RAB2A: variants seen among roughly 807,000 people sequenced by gnomAD.
RAB2A encodes ras-related protein Rab-2A.
Under a neutral mutation model 32.5 loss-of-function variants are expected in RAB2A, and 7 were observed. The observed-to-expected ratio is 0.22, with a 90% CI of 0.12 to 0.40. RAB2A has a LOEUF of 0.40. RAB2A is among the 10% of genes least tolerant of loss of function. The probability of loss-of-function intolerance (pLI) is 1.00; values close to 1 mark genes in which losing one functional copy is unlikely to be tolerated. For missense variants in RAB2A, 108 were observed against 260.7 expected (o/e 0.41, Z 4.03); for synonymous variants, 79 against 85.2 (o/e 0.93, Z 0.40).
intron 6 of RAB2A, among the ~76,000 whole-genome samples, chr8:60,599,088 A>G (rs1312709903): frequency 6.6e-6 from 1 of 152,112 alleles, no homozygotes; most frequent in Non-Finnish European, 1.5e-5. Flanking sequence ...GCAAGGTTGC[A>G]GGATACAAGG....
chr8:60,536,689 C>G (rs1320956107), intron 1 of RAB2A, among the ~76,000 whole-genome samples: 1 of 152,154 alleles, frequency 6.6e-6, no homozygotes, highest in Non-Finnish European at 1.5e-5. Context: ...TCTGCAGTGT[C>G]AGGATCATTT....
At chr8:60,592,963 A>G (rs1803966941) in intron 6 of RAB2A, among the ~76,000 whole-genome samples, 1 of 152,242 alleles carries the variant, frequency 6.6e-6, no homozygotes, top group Non-Finnish European at 1.5e-5. Flanking sequence ...TGCCGTAAGG[A>G]TAACAGAGGT....
chr8:60,552,393 C>T (rs974081811), intron 1 of RAB2A: 1 of 152,248 alleles, frequency 6.6e-6, no homozygotes, highest in African/African-American at 2.4e-5. Context: ...CTGCCTCAGC[C>T]TCCTAAAGTG....
chr8:60,594,729 G>A (rs930574486), intron 6 of RAB2A, among the ~76,000 whole-genome samples: 5 of 152,242 alleles, frequency 3.3e-5, no homozygotes, highest in Admixed American at 1.3e-4. Flanking sequence ...GAGAACATGC[G>A]GTGTTTGGTT....
At chr8:60,577,938 G>A (rs867014589) in intron 3 of RAB2A, among the ~76,000 whole-genome samples, 71 of 151,808 alleles carry the variant, frequency 4.7e-4, no homozygotes, top group African/African-American at 1.5e-3. Context: ...CACCACACCC[G>A]GCCAAGGTCT....
intron 2 of RAB2A, chr8:60,570,172 T>C (rs570453196): frequency 2.2e-4 from 78 of 360,922 alleles, no homozygotes; most frequent in South Asian, 1.5e-3. Context: ...ATCAGCAGCA[T>C]TGATGGGTCT....
chr8:60,623,244 A>G lies in RAB2A; in HGVS notation c.*2475A>G, dbSNP rs911338556. The G allele has an allele frequency of 6.6e-6, 1 of 152,236 alleles. No homozygotes were observed. Among genetic ancestry groups the G allele is most frequent in the African/African-American group, 2.4e-5 (1 of 41,472 alleles). 9.4% of individuals were successfully genotyped at this position (152,236 alleles called of 1,614,324 possible). A position where few individuals can be genotyped will look rare whatever the true frequency, so the allele number is the denominator to read the frequency against. ...TGAAACAGGATATACAACTGCATACAATTTGTTTTTAATGATATTTTAAAA... is the reference window on the plus strand; with the variant it reads ...TGAAACAGGATATACAACTGCATACGATTTGTTTTTAATGATATTTTAAAA... On this transcript the variant is annotated 3_prime_UTR_variant, in exon 8 of 8. Coordinates refer to ENST00000262646, the MANE Select transcript of RAB2A (RefSeq NM_002865.3).
rs73683524 is a variant in RAB2A at position 60,592,224 on chromosome 8, T to C, written c.474+255T>C. On this transcript the variant is annotated intron_variant, in intron 6 of 7. Coordinates refer to ENST00000262646, the MANE Select transcript of RAB2A (RefSeq NM_002865.3). ...CACTCCCTCCCTTTTTCTAAACAATTTCCTATAGTTTCTGAGAGTTATATT... is the reference window on the plus strand; with the variant it reads ...CACTCCCTCCCTTTTTCTAAACAATCTCCTATAGTTTCTGAGAGTTATATT... 1,097 of 251,856 alleles carry C rather than the reference T, an allele frequency of 4.4e-3. 9 individuals carry two copies. Among genetic ancestry groups the C allele is most frequent in the African/African-American group, 0.022 (985 of 44,732 alleles). 15.6% of individuals were successfully genotyped at this position (251,856 alleles called of 1,614,324 possible).
chr8:60,548,825 C>T (rs1460086408), intron 1 of RAB2A, among the ~76,000 whole-genome samples: 1 of 151,168 alleles, frequency 6.6e-6, no homozygotes, highest in Non-Finnish European at 1.5e-5. Flanking sequence ...GGGCTGACCC[C>T]CCCACCTCCC....
At chr8:60,520,349 T>TTAG (rs574717354) in intron 1 of RAB2A, among the ~76,000 whole-genome samples, 79 of 152,338 alleles carry the variant, frequency 5.2e-4, no homozygotes, top group African/African-American at 1.8e-3. Context: ...AATGTGTCAT[T>TTAG]TAAATCTAGA....
At chr8:60,575,962 T>C (rs754777542) in intron 3 of RAB2A, among the ~76,000 whole-genome samples, 3 of 152,162 alleles carry the variant, frequency 2.0e-5, no homozygotes, top group Non-Finnish European at 4.4e-5. Flanking sequence ...GCCTACAGGA[T>C]GTTTGTCATT....
At chr8:60,553,330 C>G (rs769047914) in intron 1 of RAB2A, among the ~76,000 whole-genome samples, 1 of 152,138 alleles carries the variant, frequency 6.6e-6, no homozygotes, top group East Asian at 1.9e-4. Context: ...TCTAGGAAGC[C>G]CCTGTCGCAC....
intron 6 of RAB2A, among the ~76,000 whole-genome samples, chr8:60,610,087 G>T (rs187083677): frequency 6.6e-6 from 1 of 151,810 alleles, no homozygotes; most frequent in East Asian, 1.9e-4. Context: ...AGATGTTCAT[G>T]TCATAATGGC....
chr8:60,591,849 C>T lies in RAB2A; in HGVS notation c.363-9C>T. The T allele has an allele frequency of 1.3e-6, 2 of 1,557,608 alleles. No individual in the cohort carries two copies. The highest frequency in any genetic ancestry group is 1.4e-5 in the African/African-American group (1 of 73,654). ...ATTAGTAATGTGACCCTTTCTTTCCCATGTTTAGTGATTTAGAATCTAGAA... is the reference window on the plus strand; with the variant it reads ...ATTAGTAATGTGACCCTTTCTTTCCTATGTTTAGTGATTTAGAATCTAGAA... On this transcript the variant is annotated splice_polypyrimidine_tract_variant and intron_variant, in intron 5 of 7. Coordinates refer to ENST00000262646, the MANE Select transcript of RAB2A (RefSeq NM_002865.3).
chr8:60,591,786 G>A, intron 5 of RAB2A, 72 bp from the exon 6 acceptor site: 2 of 956,076 alleles, frequency 2.1e-6, no homozygotes, highest in Non-Finnish European at 1.6e-6. Context: ...GAATTCCATG[G>A]TACACTTTCC....
rs1262545273 is a variant in RAB2A, at chr8:60,610,895, T to C, written c.475-7685T>C. Among the ~76,000 whole-genome samples, 3 of 152,242 alleles carry C rather than the reference T, an allele frequency of 2.0e-5. No individual in the cohort carries two copies. In the East Asian group the frequency reaches 5.8e-4, roughly 29 times the overall value. ...TCGCCATCTACCAAGAGTTTCCCACTTGTACGATGTATTAGAATTCCACGT... is the reference window on the plus strand; with the variant it reads ...TCGCCATCTACCAAGAGTTTCCCACCTGTACGATGTATTAGAATTCCACGT... On this transcript the variant is annotated intron_variant, in intron 6 of 7. Coordinates refer to ENST00000262646, the MANE Select transcript of RAB2A (RefSeq NM_002865.3).
At chr8:60,558,645 A>T in intron 1 of RAB2A, 1 of 599,888 alleles carries the variant, frequency 1.7e-6, no homozygotes, top group Non-Finnish European at 3.0e-6. Context: ...TGTGTAAGAA[A>T]GGGTGAAAAT....
upstream of RAB2A, chr8:60,516,976 C>A (rs968033134): frequency 1.4e-5 from 6 of 421,954 alleles, no homozygotes; most frequent in Non-Finnish European, 2.5e-5. Flanking sequence ...GGAGGCGCCG[C>A]GGCGGCTGTT....
At position 60,517,001 on chromosome 8, in the gene RAB2A, C is replaced by G; in HGVS notation, c.-207C>G. 1 of 469,478 alleles carries G rather than the reference C, an allele frequency of 2.1e-6. No individual in the cohort carries two copies. The highest frequency in any genetic ancestry group is 3.6e-5 in the East Asian group (1 of 27,634). 29.1% of individuals were successfully genotyped at this position (469,478 alleles called of 1,614,324 possible). On this transcript the variant is annotated 5_prime_UTR_variant, in exon 1 of 8. Transcript: ENST00000262646. ...CGGCGGCTGTTATTGTTCGGCTGGG[C>G]TCGGTCGGGCGCTGTCTCCCTCGGC...
Sources: allele counts gnomAD v4.1 joint callset (sites outside exome capture counted in the v4.1 genomes callset), GRCh38; gene constraint gnomAD v4.1.1; transcripts MANE v1.5; gene names NCBI Gene and HGNC (gene_info 2026-07-23, HGNC 2026-07-21).